The following STXBP5L variants were observed in gnomAD, a reference collection of about 807,000 sequenced individuals.
STXBP5L encodes syntaxin binding protein 5L.
Under a neutral mutation model 144.5 loss-of-function variants are expected in STXBP5L, and 65 were observed. The observed-to-expected ratio is 0.45, with a 90% CI of 0.37 to 0.55. STXBP5L has a LOEUF of 0.55. Among genes scored for constraint, STXBP5L ranks in the 20% least tolerant of loss-of-function variants. STXBP5L has a pLI of 0.00. For missense variants in STXBP5L, 1,298 were observed against 1,405.5 expected (o/e 0.92, Z 1.22); for synonymous variants, 505 against 469.6 (o/e 1.08, Z -0.97).
chr3:121,365,907 A>T (rs150230185), intron 20 of STXBP5L, among the ~76,000 whole-genome samples: 1 of 151,136 alleles, frequency 6.6e-6, no homozygotes, highest in Admixed American at 6.6e-5. Flanking sequence ...TATAGCTACA[A>T]ATTTCCCTCT....
chr3:121,323,781 C>T (rs1181281451), intron 20 of STXBP5L, among the ~76,000 whole-genome samples: 1 of 151,892 alleles, frequency 6.6e-6, no homozygotes, highest in African/African-American at 2.4e-5. Flanking sequence ...TTGTACTGTA[C>T]AGCTTGACCT....
chr3:121,119,318 C>T (rs750801152), intron 6 of STXBP5L, among the ~76,000 whole-genome samples: 13 of 151,216 alleles, frequency 8.6e-5, no homozygotes, highest in Non-Finnish European at 1.6e-4. Flanking sequence ...TCTTATTCAG[C>T]CTATTTAACT....
At position 121,364,745 on chromosome 3, in the gene STXBP5L, G is replaced by A. The variant is rs1057148249; in HGVS notation, c.2177-13971G>A. ...GAAATTTTTTATAATTTCCTTTGCC[G>A]ATTGTTTATATAAAGAAATGCAACT... On this transcript the variant is annotated intron_variant, in intron 20 of 26. Transcript: ENST00000471454. Among the ~76,000 whole-genome samples the A allele has an allele frequency of 5.9e-5, 9 of 151,552 alleles. No individual in the cohort carries two copies. In the South Asian group the frequency reaches 1.9e-3, roughly 32 times the overall value.
chr3:121,100,834 G>T (rs1417700824), intron 5 of STXBP5L, among the ~76,000 whole-genome samples: 4 of 151,226 alleles, frequency 2.6e-5, no homozygotes, highest in African/African-American at 9.7e-5. Flanking sequence ...AATAAATATT[G>T]GTAGAACACT....
Position 121,003,267 on chromosome 3 carries a change from A to T in STXBP5L, c.288-38433A>T, listed in dbSNP as rs531141086. The stretch of plus-strand genomic sequence containing the variant: ...GCCATTCTAACTGGTGTGAGACGGT[A>T]TCTCATTGTGGTTTTGATTTACATT... On this transcript the variant is annotated intron_variant, in intron 3 of 26. Transcript: ENST00000471454. 2.6e-4 allele frequency among the ~76,000 whole-genome samples: 40 copies of T among 152,184 alleles called. No homozygotes were observed. The East Asian group carries it at 6.0e-3, about 23-fold the overall frequency.
chr3:121,371,832 G>A (rs931479752), intron 20 of STXBP5L, among the ~76,000 whole-genome samples: 1 of 152,216 alleles, frequency 6.6e-6, no homozygotes, highest in Non-Finnish European at 1.5e-5. Flanking sequence ...CACAGGTGGG[G>A]CACAGGCAGG....
intron 5 of STXBP5L, among the ~76,000 whole-genome samples, chr3:121,114,255 T>C (rs956302777): frequency 1.2e-4 from 18 of 152,168 alleles, no homozygotes; most frequent in African/African-American, 4.1e-4. Flanking sequence ...ATTGTGAAGA[T>C]GAAAACAGAA....
intron 3 of STXBP5L, among the ~76,000 whole-genome samples, chr3:121,039,729 A>T (rs1266023229): frequency 6.6e-6 from 1 of 151,548 alleles, no homozygotes; most frequent in Non-Finnish European, 1.5e-5. Context: ...AAAAAATTTT[A>T]TCTCTTCTCT....
At chr3:121,313,960 G>A (rs1241789423) in intron 19 of STXBP5L, among the ~76,000 whole-genome samples, 1 of 150,776 alleles carries the variant, frequency 6.6e-6, no homozygotes, top group African/African-American at 2.4e-5. Context: ...TCCCAGACAG[G>A]GCGGTGGGGC....
At chr3:121,009,091 C>G (rs1272338756) in intron 3 of STXBP5L, among the ~76,000 whole-genome samples, 1 of 151,910 alleles carries the variant, frequency 6.6e-6, no homozygotes, top group Non-Finnish European at 1.5e-5. Context: ...TGCGTAGCCT[C>G]CATTCCTGCC....
At chr3:121,075,161 G>A (rs559694231) in intron 5 of STXBP5L, among the ~76,000 whole-genome samples, 4 of 152,208 alleles carry the variant, frequency 2.6e-5, no homozygotes, top group Admixed American at 1.3e-4. Flanking sequence ...CTTGACTGGT[G>A]GCAGGGGGTT....
intron 12 of STXBP5L, among the ~76,000 whole-genome samples, chr3:121,235,166 A>G (rs1389649064): frequency 6.6e-6 from 1 of 152,072 alleles, no homozygotes; most frequent in Non-Finnish European, 1.5e-5. Flanking sequence ...TTTAGCATGT[A>G]TTAAAATCTA....
At chr3:121,165,844 G>C (rs1214947433) in intron 9 of STXBP5L, among the ~76,000 whole-genome samples, 3 of 152,028 alleles carry the variant, frequency 2.0e-5, no homozygotes, top group Admixed American at 6.6e-5. Context: ...GAGATTCTCC[G>C]GGCACCCCTT....
At chr3:121,053,985 A>G (rs1948241616) in intron 5 of STXBP5L, among the ~76,000 whole-genome samples, 1 of 152,214 alleles carries the variant, frequency 6.6e-6, no homozygotes, top group Non-Finnish European at 1.5e-5. Context: ...AAGACACATG[A>G]AAAAATGCTC....
rs559528314 is a variant in STXBP5L at position 121,028,930 on chromosome 3, T to C, written c.288-12770T>C. Among the ~76,000 whole-genome samples, 19 of 152,178 alleles carry C rather than the reference T, an allele frequency of 1.2e-4. No individual in the cohort carries two copies. The South Asian group carries it at 3.7e-3, about 30-fold the overall frequency. ...AGGGAGTTTATTCTCCCATTCACAA[T>C]TGCTACAAAGAGAATAAAATACCTA... On this transcript the variant is annotated intron_variant, in intron 3 of 26. Coordinates refer to ENST00000471454, the MANE Select transcript of STXBP5L (RefSeq NM_001308330.2).
intron 5 of STXBP5L, among the ~76,000 whole-genome samples, chr3:121,051,063 A>G (rs1348651522): frequency 6.6e-6 from 1 of 152,224 alleles, no homozygotes; most frequent in Non-Finnish European, 1.5e-5. Flanking sequence ...CACCCAATAC[A>G]GGAGCACCCA....
At chr3:120,950,111 T>C (rs1179819935) in intron 2 of STXBP5L, among the ~76,000 whole-genome samples, 1 of 152,038 alleles carries the variant, frequency 6.6e-6, no homozygotes, top group African/African-American at 2.4e-5. Flanking sequence ...GTCACTAAGA[T>C]TTAAACAGAT....
chr3:120,979,709 T>C (rs1428840787), intron 3 of STXBP5L, among the ~76,000 whole-genome samples: 1 of 152,184 alleles, frequency 6.6e-6, no homozygotes, highest in African/African-American at 2.4e-5. Flanking sequence ...TCCGATCCTT[T>C]GTATTTTTGT....
intron 20 of STXBP5L, among the ~76,000 whole-genome samples, chr3:121,356,241 C>A (rs1355587363): frequency 6.6e-6 from 1 of 152,246 alleles, no homozygotes; most frequent in African/African-American, 2.4e-5. Context: ...CAGACAGGGA[C>A]ATTTAAGTCT....
Sources: allele counts gnomAD v4.1 joint callset (sites outside exome capture counted in the v4.1 genomes callset), GRCh38; gene constraint gnomAD v4.1.1; transcripts MANE v1.5; gene names NCBI Gene and HGNC (gene_info 2026-07-23, HGNC 2026-07-21).